The following NT5C2 variants were observed in gnomAD, a reference collection of about 807,000 sequenced individuals.
NT5C2 encodes the protein cytosolic purine 5'-nucleotidase.
A neutral mutation model predicts 76.1 loss-of-function variants in NT5C2; 58 were observed. The ratio of observed to expected loss-of-function variants is 0.76; its 90% CI spans 0.62 to 0.95. The LOEUF (loss-of-function observed/expected upper bound fraction) is 0.95. Among genes scored for constraint, NT5C2 ranks in the 40% least tolerant of loss-of-function variants. NT5C2 has a pLI of 0.00. For synonymous variants in NT5C2, 229 were observed against 237.4 expected (o/e 0.96, Z 0.32); for missense variants, 478 against 690.3 (o/e 0.69, Z 3.45).
At chr10:103,107,825 A>G (rs2071742673) in intron 4 of NT5C2, among the ~76,000 whole-genome samples, 1 of 151,974 alleles carries the variant, frequency 6.6e-6, no homozygotes, top group Non-Finnish European at 1.5e-5. Flanking sequence ...ATAATGAAAA[A>G]ACTTTTCAGA....
At chr10:103,146,034 T>C in intron 3 of NT5C2, 3 of 984,768 alleles carry the variant, frequency 3.0e-6, no homozygotes, top group Non-Finnish European at 3.6e-6. Context: ...TATTACCTCA[T>C]CTGTCACTGG....
At chr10:103,143,632 T>TTG (rs2080966306) in intron 3 of NT5C2, among the ~76,000 whole-genome samples, 1 of 104,850 alleles carries the variant, frequency 9.5e-6, no homozygotes, top group Non-Finnish European at 2.0e-5. Context: ...TTTTTTTTTT[T>TTG]GTAGAGATGG....
intron 15 of NT5C2, 66 bp from the exon 16 acceptor site, chr10:103,091,681 G>T: frequency 7.5e-7 from 1 of 1,337,822 alleles, no homozygotes; most frequent in Non-Finnish European, 1.1e-6. Flanking sequence ...CTTAACTGCT[G>T]CTAAACTAAA....
At chr10:103,164,009 CAGG>C (rs1247148575) in intron 3 of NT5C2, among the ~76,000 whole-genome samples, 3 of 152,002 alleles carry the variant, frequency 2.0e-5, no homozygotes, top group Non-Finnish European at 4.4e-5. Flanking sequence ...GAGTCCAAGG[CAGG>C]AGAACTGTTT....
chr10:103,155,321 C>G (rs1263366626), intron 3 of NT5C2, among the ~76,000 whole-genome samples: 1 of 152,174 alleles, frequency 6.6e-6, no homozygotes, highest in Non-Finnish European at 1.5e-5. Flanking sequence ...TGACACTGTG[C>G]TAAGCTCTTT....
chr10:103,169,227 AATAC>A (rs2087185636), intron 3 of NT5C2: 1 of 152,308 alleles, frequency 6.6e-6, no homozygotes, highest in South Asian at 2.1e-4. Context: ...GTACACCATA[AATAC>A]ATACAATTTT....
intron 4 of NT5C2, among the ~76,000 whole-genome samples, chr10:103,133,462 T>A (rs1347709701): frequency 6.6e-6 from 1 of 152,138 alleles, no homozygotes; most frequent in Non-Finnish European, 1.5e-5. Context: ...GGTCTCACCA[T>A]GTTGGCCAGG....
At chr10:103,150,230 C>G (rs1337032579) in intron 3 of NT5C2, among the ~76,000 whole-genome samples, 1 of 152,186 alleles carries the variant, frequency 6.6e-6, no homozygotes, top group Non-Finnish European at 1.5e-5. Flanking sequence ...CCTCCCCAGC[C>G]CTTGGCCCTG....
intron 4 of NT5C2, among the ~76,000 whole-genome samples, chr10:103,127,945 C>T (rs993709685): frequency 6.6e-6 from 1 of 152,040 alleles, no homozygotes; most frequent in African/African-American, 2.4e-5. Context: ...CCTCCCGCCT[C>T]AGCCTCCCAA....
intron 3 of NT5C2, among the ~76,000 whole-genome samples, chr10:103,160,364 C>T (rs548003383): frequency 7.2e-4 from 109 of 152,170 alleles, no homozygotes; most frequent in Non-Finnish European, 1.3e-3. Flanking sequence ...TCATGAAAAG[C>T]ATACTCGAAA....
At chr10:103,099,855 T>C (rs1206335220) in intron 9 of NT5C2, 71 bp downstream of exon 9, 1 of 958,570 alleles carries the variant, frequency 1.0e-6, no homozygotes, top group African/African-American at 1.7e-5. Flanking sequence ...TCTGCTCCAT[T>C]TGGAAAGTTA....
chr10:103,154,773 T>C (rs1778565110), intron 3 of NT5C2, among the ~76,000 whole-genome samples: 1 of 152,200 alleles, frequency 6.6e-6, no homozygotes, highest in African/African-American at 2.4e-5. Context: ...TCTCAAGTTT[T>C]ACACAAATAT....
rs991734320 is a variant in NT5C2 at position 103,170,306 on chromosome 10, C to T, written c.101+4552G>A. 3.9e-5 allele frequency among the ~76,000 whole-genome samples: 6 copies of T among 152,106 alleles called. No homozygotes were observed. The East Asian group carries it at 1.2e-3, about 29-fold the overall frequency. Reference sequence around the variant, plus strand: ...GCCTAGGCAACAGAATGAGACCCTGCCTCTTTAAATAACATAGATAAAAAA... The same window carrying T: ...GCCTAGGCAACAGAATGAGACCCTGTCTCTTTAAATAACATAGATAAAAAA... On this transcript the variant is annotated intron_variant, in intron 3 of 18. Transcript: ENST00000404739.
intron 3 of NT5C2, among the ~76,000 whole-genome samples, chr10:103,148,130 A>G (rs1427426598): frequency 1.3e-5 from 2 of 152,208 alleles, no homozygotes; most frequent in East Asian, 3.8e-4. Context: ...TCAAAGCTCA[A>G]ATACCATGGA....
rs1307699666 is a variant in NT5C2, at chr10:103,105,766, A to G, written c.329T>C (p.Leu110Ser). Residue 110 changes from leucine (L) to serine (S), a missense_variant, in exon 6 of 19, where the codon TTG (leucine) becomes TCG (serine). By Grantham distance (145) the Leu-to-Ser change is moderately radical. Transcript: ENST00000404739. Reference protein sequence around the residue: ...LVFDTLYGNLLKVDAYGNLLV... With the variant: ...LVFDTLYGNLSKVDAYGNLLV... ...GAGGTTTCCATAGGCATCGACTTTCAAAAGATTTCCATACAGTGTGTCAAA... is the reference window on the plus strand; with the variant it reads ...GAGGTTTCCATAGGCATCGACTTTCGAAAGATTTCCATACAGTGTGTCAAA... The G allele has an allele frequency of 6.2e-7, 1 of 1,613,312 alleles. No individual in the cohort carries two copies. The highest frequency in any genetic ancestry group is 8.5e-7 in the Non-Finnish European group (1 of 1,179,510).
chr10:103,102,229 A>C (rs1242194979), intron 6 of NT5C2, among the ~76,000 whole-genome samples: 1 of 152,076 alleles, frequency 6.6e-6, no homozygotes, highest in Non-Finnish European at 1.5e-5. Flanking sequence ...TATAGCAGCA[A>C]ATGGGATCCA....
chr10:103,175,786 G>GC (rs2089761822), intron 2 of NT5C2: 1 of 235,866 alleles, frequency 4.2e-6, no homozygotes. Context: ...GGCCAAGGGG[G>GC]CAGTCTCCCC....
At chr10:103,155,934 T>C in intron 3 of NT5C2, among the ~76,000 whole-genome samples, 1 of 152,000 alleles carries the variant, frequency 6.6e-6, no homozygotes, top group East Asian at 1.9e-4. Flanking sequence ...GAAGCTGAAC[T>C]GGGAGGACTG....
At chr10:103,131,552 T>C (rs2078172038) in intron 4 of NT5C2, among the ~76,000 whole-genome samples, 1 of 152,214 alleles carries the variant, frequency 6.6e-6, no homozygotes, top group Non-Finnish European at 1.5e-5. Context: ...TAGAAGGTGC[T>C]TTCTATGAAC....
Sources: gnomAD v4.1 joint callset for allele counts (sites outside exome capture counted in the v4.1 genomes callset) on GRCh38, gnomAD v4.1.1 for gene constraint, MANE v1.5 for transcripts, NCBI Gene and HGNC (gene_info 2026-07-23, HGNC 2026-07-21) for gene names.